Variants in PTPRD observed in about 807,000 individuals in gnomAD.
PTPRD encodes the protein protein tyrosine phosphatase receptor type D.
In PTPRD, 34 loss-of-function variants were observed where a neutral mutation model predicts 214.5. The ratio of observed to expected loss-of-function variants is 0.16; its 90% CI spans 0.12 to 0.21. PTPRD has a LOEUF of 0.21. Among genes scored for constraint, PTPRD ranks in the 10% least tolerant of loss-of-function variants. The probability of loss-of-function intolerance (pLI) is 1.00; values close to 1 mark genes in which losing one functional copy is unlikely to be tolerated. For missense variants in PTPRD, 2,545 were observed against 2,398.7 expected, an observed-to-expected ratio of 1.06 and a Z score of -1.27; for synonymous variants, 1,128 against 845.7, an observed-to-expected ratio of 1.33 and a Z score of -5.79.
intron 36 of PTPRD, among the ~76,000 whole-genome samples, chr9:8,400,914 A>G (rs1450502878): frequency 1.3e-5 from 2 of 152,210 alleles, no homozygotes; most frequent in Non-Finnish European, 2.9e-5. Context: ...GAAAGAGATT[A>G]CCACTAAGAA....
intron 3 of PTPRD, among the ~76,000 whole-genome samples, chr9:10,329,992 G>C (rs1465485380): frequency 6.6e-6 from 1 of 151,636 alleles, no homozygotes; most frequent in East Asian, 1.9e-4. Context: ...AAAATCACTG[G>C]ATTAGGAATA....
At chr9:9,405,215 C>T (rs1163077453) in intron 8 of PTPRD, among the ~76,000 whole-genome samples, 1 of 152,070 alleles carries the variant, frequency 6.6e-6, no homozygotes, top group African/African-American at 2.4e-5. Flanking sequence ...TTGGGAAAAG[C>T]AGATACAACA....
At chr9:10,405,602 CTT>C (rs545492865) in intron 2 of PTPRD, among the ~76,000 whole-genome samples, 107 of 151,574 alleles carry the variant, frequency 7.1e-4, no homozygotes, top group African/African-American at 2.5e-3. Flanking sequence ...TTCTCAATCA[CTT>C]ATATATTAGT....
chr9:10,217,405 T>C (rs1403195829), intron 3 of PTPRD, among the ~76,000 whole-genome samples: 1 of 151,804 alleles, frequency 6.6e-6, no homozygotes, highest in Non-Finnish European at 1.5e-5. Context: ...AGCAAGTTAA[T>C]GAGTGGTTTG....
Position 10,326,565 on chromosome 9 carries a change from T to A in PTPRD, c.-545+14398A>T, listed in dbSNP as rs562883721. Among the ~76,000 whole-genome samples, 72 of 151,752 alleles carry A rather than the reference T, an allele frequency of 4.7e-4. No individual in the cohort carries two copies. The South Asian group carries it at 0.015, about 31-fold the overall frequency. The stretch of plus-strand genomic sequence containing the variant: ...TATAGATAAATTGTTTTTACACCCA[T>A]TTTTTACTTTCAAATTGCTTCACAT... On this transcript the variant is annotated intron_variant, in intron 3 of 45. Transcript: ENST00000381196.
intron 12 of PTPRD, among the ~76,000 whole-genome samples, chr9:8,688,906 C>T (rs1434267): frequency 1.2e-3 from 178 of 152,300 alleles, no homozygotes; most frequent in African/African-American, 4.1e-3. Context: ...CTCTAAACAT[C>T]TATGCCTGTA....
chr9:9,237,607 G>C (rs1290278200), intron 9 of PTPRD, among the ~76,000 whole-genome samples: 1 of 152,076 alleles, frequency 6.6e-6, no homozygotes, highest in Non-Finnish European at 1.5e-5. Flanking sequence ...CTGTTTTGTT[G>C]GTTGAAATCT....
chr9:10,396,986 C>T (rs998349270), intron 2 of PTPRD, among the ~76,000 whole-genome samples: 2 of 151,928 alleles, frequency 1.3e-5, no homozygotes, highest in African/African-American at 4.8e-5. Context: ...ACATACCTAG[C>T]TACACGTCTG....
intron 5 of PTPRD, among the ~76,000 whole-genome samples, chr9:9,862,171 C>G (rs2209192): frequency 0.35 from 52,678 of 151,486 alleles, 10,231 homozygotes; most frequent in East Asian, 0.74. Flanking sequence ...GTATTAAAGA[C>G]ACCTCTTGCC....
chr9:10,188,070 C>A (rs916115299), intron 3 of PTPRD, among the ~76,000 whole-genome samples: 1 of 152,126 alleles, frequency 6.6e-6, no homozygotes. Flanking sequence ...GTTTTAATAT[C>A]TCTGCTAACA....
intron 2 of PTPRD, among the ~76,000 whole-genome samples, chr9:10,361,532 G>C (rs935734136): frequency 1.3e-5 from 2 of 152,154 alleles, no homozygotes; most frequent in African/African-American, 4.8e-5. Flanking sequence ...CTGACCACAA[G>C]TAGCATGTAT....
chr9:8,382,618 T>A (rs1202111651), intron 37 of PTPRD, among the ~76,000 whole-genome samples: 1 of 152,206 alleles, frequency 6.6e-6, no homozygotes, highest in Non-Finnish European at 1.5e-5. Context: ...ACGCTGTGTC[T>A]GCTGACAAGA....
Position 9,266,887 on chromosome 9 carries a change from T to A in PTPRD, c.-202-83524A>T, listed in dbSNP as rs114195080. On this transcript the variant is annotated intron_variant, in intron 9 of 45. Transcript: ENST00000381196. ...CTTTAATAAGCAACCAGTTTTGCAC[T>A]TCAAGGAGCTAGAAAAAGAAAACTA... Among the ~76,000 whole-genome samples the A allele has an allele frequency of 6.8e-3, 1,024 of 151,080 alleles. 11 individuals are homozygous for A. The highest frequency in any genetic ancestry group is 0.024 in the African/African-American group (979 of 41,380).
intron 9 of PTPRD, among the ~76,000 whole-genome samples, chr9:9,249,537 G>C (rs980745510): frequency 1.3e-5 from 2 of 151,912 alleles, no homozygotes; most frequent in African/African-American, 2.4e-5. Context: ...AACTTATTTG[G>C]ATTCTCTCTC....
chr9:10,146,517 G>A (rs559568421), intron 3 of PTPRD, among the ~76,000 whole-genome samples: 20 of 152,166 alleles, frequency 1.3e-4, no homozygotes, highest in Admixed American at 2.0e-4. Flanking sequence ...TAAGAATGCA[G>A]GTTGTGCCAA....
At chr9:10,308,954 G>A (rs2096179819) in intron 3 of PTPRD, among the ~76,000 whole-genome samples, 1 of 151,982 alleles carries the variant, frequency 6.6e-6, no homozygotes, top group Non-Finnish European at 1.5e-5. Context: ...ACATACTTGT[G>A]TGAATATATT....
At chr9:9,263,663 G>C (rs1000742498) in intron 9 of PTPRD, among the ~76,000 whole-genome samples, 1 of 151,480 alleles carries the variant, frequency 6.6e-6, no homozygotes, top group East Asian at 2.0e-4. Context: ...TCATCATATT[G>C]AAATTTTCAT....
intron 2 of PTPRD, among the ~76,000 whole-genome samples, chr9:10,341,843 CCT>C (rs1470636435): frequency 6.6e-6 from 1 of 150,980 alleles, no homozygotes; most frequent in Non-Finnish European, 1.5e-5. Flanking sequence ...TCTTTTTTCC[CCT>C]CTCCTTTTAT....
intron 9 of PTPRD, among the ~76,000 whole-genome samples, chr9:9,369,816 G>C (rs1427576867): frequency 2.6e-5 from 4 of 152,120 alleles, no homozygotes; most frequent in Non-Finnish European, 4.4e-5. Flanking sequence ...TCCAGTTTCA[G>C]CTTTCTACAT....
Sources: gnomAD v4.1 joint callset for allele counts (sites outside exome capture counted in the v4.1 genomes callset) on GRCh38, gnomAD v4.1.1 for gene constraint, MANE v1.5 for transcripts, NCBI Gene and HGNC (gene_info 2026-07-23, HGNC 2026-07-21) for gene names.